GPHN: variants seen among roughly 807,000 people sequenced by gnomAD.
The protein encoded by GPHN is gephyrin.
In GPHN, 17 loss-of-function variants were observed where a neutral mutation model predicts 95.5. That is an observed-to-expected ratio of 0.18 (90% CI 0.12 to 0.27). The LOEUF is 0.27. Among genes scored for constraint, GPHN ranks in the 10% least tolerant of loss-of-function variants. GPHN has a pLI of 1.00. For missense variants in GPHN, 660 were observed against 978.1 expected, an observed-to-expected ratio of 0.67 and a Z score of 4.34; for synonymous variants, 320 against 322.5, an observed-to-expected ratio of 0.99 and a Z score of 0.08.
intron 20 of GPHN, among the ~76,000 whole-genome samples, chr14:67,166,676 T>G (rs527782017): frequency 2.6e-5 from 4 of 152,260 alleles, no homozygotes; most frequent in Middle Eastern, 6.8e-3. Flanking sequence ...GTTTGTTTGT[T>G]TGTTTGTTTT....
intron 1 of GPHN, chr14:66,551,238 T>C (rs1425827932): frequency 6.6e-6 from 1 of 152,244 alleles, no homozygotes; most frequent in African/African-American, 2.4e-5. Context: ...GAATACAGTA[T>C]TGTATAAACA....
At chr14:67,603,286 T>G in the GPHN span, among the ~76,000 whole-genome samples, 1 of 152,194 alleles carries the variant, frequency 6.6e-6, no homozygotes, top group Non-Finnish European at 1.5e-5. Context: ...CCCAGGCTAT[T>G]TTCAAACTCC....
chr14:67,139,372 C>T (rs2080315122), intron 17 of GPHN, among the ~76,000 whole-genome samples: 2 of 152,112 alleles, frequency 1.3e-5, no homozygotes, highest in African/African-American at 2.4e-5. Context: ...GTAGCTGAGA[C>T]TACAGGTGTG....
the GPHN span, among the ~76,000 whole-genome samples, chr14:67,668,933 G>A: frequency 6.6e-6 from 1 of 152,032 alleles, no homozygotes; most frequent in African/African-American, 2.4e-5. Context: ...TGTCTAATAT[G>A]TCAGAAAATA....
chr14:67,393,906 A>G, the GPHN span, among the ~76,000 whole-genome samples: 1 of 152,210 alleles, frequency 6.6e-6, no homozygotes, highest in Non-Finnish European at 1.5e-5. Context: ...AAAGCTTGCT[A>G]TATAAAGGAT....
At chr14:67,161,996 G>A (rs73276983) in intron 19 of GPHN, among the ~76,000 whole-genome samples, 1,760 of 151,958 alleles carry the variant, frequency 0.012, 34 homozygotes, top group African/African-American at 0.04. Flanking sequence ...TTCAGCCATT[G>A]TGTAAATGCT....
At chr14:67,030,651 C>T (rs919366742) in intron 10 of GPHN, among the ~76,000 whole-genome samples, 3 of 152,142 alleles carry the variant, frequency 2.0e-5, no homozygotes, top group African/African-American at 7.2e-5. Context: ...GAGCAAAGTG[C>T]CCCTCCCAAG....
intron 10 of GPHN, among the ~76,000 whole-genome samples, chr14:67,040,651 C>G (rs955332102): frequency 4.3e-4 from 65 of 152,076 alleles, no homozygotes; most frequent in African/African-American, 1.5e-3. Flanking sequence ...TCAAGTTTGT[C>G]TTTGTCTTTC....
chr14:67,257,666 T>A, the GPHN span, among the ~76,000 whole-genome samples: 1 of 151,866 alleles, frequency 6.6e-6, no homozygotes, highest in Non-Finnish European at 1.5e-5. Context: ...TGTATATATG[T>A]ATGTATATAT....
At chr14:67,228,540 T>C in the GPHN span, 1 of 152,002 alleles carries the variant, frequency 6.6e-6, no homozygotes, top group African/African-American at 2.4e-5. Context: ...AGCCTATGAC[T>C]AATCATTACG....
At chr14:66,760,805 C>T (rs752739396) in intron 2 of GPHN, 21 of 515,376 alleles carry the variant, frequency 4.1e-5, no homozygotes, top group Admixed American at 3.6e-4. Flanking sequence ...AGTATTGATG[C>T]AATGAAGAGA....
chr14:67,293,644 CT>C, the GPHN span, among the ~76,000 whole-genome samples: 13 of 152,096 alleles, frequency 8.5e-5, no homozygotes, highest in Admixed American at 8.5e-4. Context: ...TTACCTTGAT[CT>C]TATACTATTC....
chr14:66,625,487 T>A (rs2063490704), intron 1 of GPHN, among the ~76,000 whole-genome samples: 1 of 152,276 alleles, frequency 6.6e-6, no homozygotes, highest in East Asian at 1.9e-4. Flanking sequence ...GTTTCTCAAT[T>A]TCCCCCCCAA....
chr14:67,121,249 AC>A (rs2078996730), intron 16 of GPHN, among the ~76,000 whole-genome samples: 2 of 152,008 alleles, frequency 1.3e-5, no homozygotes, highest in Admixed American at 1.3e-4. Context: ...TATGTGAAGG[AC>A]CCCCTACTCT....
At chr14:67,583,347 TG>T in the GPHN span, among the ~76,000 whole-genome samples, 308 of 152,264 alleles carry the variant, frequency 2.0e-3, 3 homozygotes, top group Admixed American at 3.5e-3. Context: ...TTGCGCCAGG[TG>T]TCCAACTCCA....
intron 1 of GPHN, among the ~76,000 whole-genome samples, chr14:66,531,551 A>G (rs1320571121): frequency 1.3e-5 from 2 of 152,232 alleles, no homozygotes; most frequent in African/African-American, 4.8e-5. Context: ...AAGATGAATA[A>G]TGCAGTCTTC....
At chr14:66,830,103 C>A (rs1472722238) in intron 4 of GPHN, among the ~76,000 whole-genome samples, 1 of 152,110 alleles carries the variant, frequency 6.6e-6, no homozygotes, top group African/African-American at 2.4e-5. Flanking sequence ...ACCGCATAGC[C>A]TATAAAGCCT....
chr14:66,958,212 C>A (rs1169425568), intron 8 of GPHN, among the ~76,000 whole-genome samples: 1 of 151,842 alleles, frequency 6.6e-6, no homozygotes, highest in African/African-American at 2.4e-5. Context: ...GATTAACTGA[C>A]CTTTTTATCA....
chr14:66,683,250 T>C (rs1177516473), intron 2 of GPHN, among the ~76,000 whole-genome samples: 1 of 144,700 alleles, frequency 6.9e-6, no homozygotes, highest in Non-Finnish European at 1.5e-5. Flanking sequence ...GGATATACTA[T>C]TGATGACTTG....
Sources: gnomAD v4.1 joint callset for allele counts (sites outside exome capture counted in the v4.1 genomes callset) on GRCh38, gnomAD v4.1.1 for gene constraint, MANE v1.5 for transcripts, NCBI Gene and HGNC (gene_info 2026-07-23, HGNC 2026-07-21) for gene names.